Variants in ABCA12 observed in about 807,000 individuals in gnomAD.
The protein encoded by ABCA12 is glucosylceramide transporter ABCA12.
A neutral mutation model predicts 293.5 loss-of-function variants in ABCA12; 156 were observed. That is an observed-to-expected ratio of 0.53 (90% CI 0.47 to 0.61). The LOEUF (loss-of-function observed/expected upper bound fraction) is 0.61. Among genes scored for constraint, ABCA12 ranks in the 20% least tolerant of loss-of-function variants. The pLI is 0.00. For missense variants in ABCA12, 2,797 were observed against 3,090.2 expected (o/e 0.91, Z 2.25); for synonymous variants, 1,063 against 1,108.0 (o/e 0.96, Z 0.81).
At chr2:215,128,986 G>T (rs1419066573) in intron 1 of ABCA12, among the ~76,000 whole-genome samples, 2 of 152,136 alleles carry the variant, frequency 1.3e-5, no homozygotes, top group African/African-American at 4.8e-5. Context: ...GTCCCATGGG[G>T]TGTTCCCTTG....
At chr2:214,951,246 T>C (rs944435873) in intron 44 of ABCA12, among the ~76,000 whole-genome samples, 163 bp from the exon 45 acceptor site, 1 of 152,254 alleles carries the variant, frequency 6.6e-6, no homozygotes, top group Non-Finnish European at 1.5e-5. Flanking sequence ...TAAATCAGTA[T>C]AGACCCTCCT....
At chr2:214,948,530 G>A (rs1208167470) in intron 47 of ABCA12, 66 bp downstream of exon 47, 1 of 1,541,224 alleles carries the variant, frequency 6.5e-7, no homozygotes, top group Non-Finnish European at 8.9e-7. Context: ...GGGTGTGGTG[G>A]GGTGGGGGAT....
At chr2:215,124,961 C>T (rs1702891192) in intron 1 of ABCA12, among the ~76,000 whole-genome samples, 1 of 152,088 alleles carries the variant, frequency 6.6e-6, no homozygotes, top group African/African-American at 2.4e-5. Context: ...GTCCTTAATC[C>T]ACCTTGAGTT....
chr2:215,060,042 C>G (rs1325810503), intron 3 of ABCA12, among the ~76,000 whole-genome samples: 2 of 152,040 alleles, frequency 1.3e-5, no homozygotes, highest in Non-Finnish European at 2.9e-5. Context: ...ACACTTATCT[C>G]CACTTCACTA....
intron 42 of ABCA12, 72 bp from the exon 43 acceptor site, chr2:214,955,433 AC>A: frequency 2.7e-6 from 4 of 1,495,960 alleles, no homozygotes; most frequent in African/African-American, 1.4e-5. Flanking sequence ...TGTAATCCTA[AC>A]ACTTTAGGAG....
At position 214,990,884 on chromosome 2, in the gene ABCA12, AC is replaced by A; in HGVS notation, c.3441del (p.Leu1147PhefsTer15). ...AAGCTGTAGTCCGAAAAATACAGGA[AC>A]AAAATGAACCCATTTGTTTTAGGAA... ...NILPKTNGFILFLYFSDYSFS... is the reference protein window; with the variant it reads ...NILPKTNGFIXFLYFSDYSFS... On this transcript the variant is annotated frameshift_variant, in exon 24 of 53. Transcript: ENST00000272895. LOFTEE classifies it high-confidence loss of function. 6.2e-7 allele frequency: 1 copy of A among 1,614,140 alleles called. No individual in the cohort carries two copies. Among genetic ancestry groups the A allele is most frequent in the South Asian group, 1.1e-5 (1 of 91,080 alleles).
chr2:215,121,050 T>A (rs932067523), intron 1 of ABCA12, among the ~76,000 whole-genome samples: 1 of 152,232 alleles, frequency 6.6e-6, no homozygotes, highest in Admixed American at 6.5e-5. Flanking sequence ...TTAGATTGTG[T>A]AACATGCTCT....
At chr2:215,032,571 A>G (rs1408083638) in intron 8 of ABCA12, 2 of 152,792 alleles carry the variant, frequency 1.3e-5, no homozygotes, top group Non-Finnish European at 2.9e-5. Context: ...TCCCTAATTC[A>G]GCCTGCTGCA....
At chr2:215,051,957 C>A (rs1034869235) in intron 5 of ABCA12, among the ~76,000 whole-genome samples, 1 of 152,044 alleles carries the variant, frequency 6.6e-6, no homozygotes, top group African/African-American at 2.4e-5. Flanking sequence ...CCAGTTTACA[C>A]CTCTGATAGA....
intron 1 of ABCA12, among the ~76,000 whole-genome samples, chr2:215,129,815 C>G (rs1703013724): frequency 6.6e-6 from 1 of 152,104 alleles, no homozygotes; most frequent in Admixed American, 6.6e-5. Flanking sequence ...AGGCTAATGT[C>G]CAGAAAAGTT....
intron 1 of ABCA12, among the ~76,000 whole-genome samples, chr2:215,131,480 G>A (rs1703054409): frequency 6.6e-6 from 1 of 151,652 alleles, no homozygotes; most frequent in Non-Finnish European, 1.5e-5. Context: ...TATGTTTCCA[G>A]GAATTTATTC....
intron 2 of ABCA12, among the ~76,000 whole-genome samples, chr2:215,089,941 T>A (rs1466103630): frequency 1.3e-5 from 2 of 152,176 alleles, no homozygotes; most frequent in Non-Finnish European, 2.9e-5. Flanking sequence ...ATGATATGTG[T>A]CAGGCCTCTG....
Position 214,966,843 on chromosome 2 carries a change from T to C in ABCA12, c.5884+5A>G. On this transcript the variant is annotated splice_donor_5th_base_variant and intron_variant, in intron 39 of 52. Transcript: ENST00000272895. ...TACAGGACACTTTTGTGTTAGTAAC[T>C]TTACCATGTCGGGCAGCATCGTATT... 6.2e-7 allele frequency: 1 copy of C among 1,613,412 alleles called. No homozygotes were observed. Among genetic ancestry groups the C allele is most frequent in the Non-Finnish European group, 8.5e-7 (1 of 1,179,456 alleles).
rs748221184 is a variant in ABCA12 at position 215,123,320 on chromosome 2, C to T, written c.70-11630G>A. On this transcript the variant is annotated intron_variant, in intron 1 of 52. Transcript: ENST00000272895. Reference sequence around the variant, plus strand: ...CCAAGTAGCTGGGATTATAGGTGTCCGCCACCACACCTGGCTAACTTTGTA... The same window carrying T: ...CCAAGTAGCTGGGATTATAGGTGTCTGCCACCACACCTGGCTAACTTTGTA... 8.6e-5 allele frequency among the ~76,000 whole-genome samples: 13 copies of T among 151,926 alleles called. No individual in the cohort carries two copies. The East Asian group carries it at 1.2e-3, about 14-fold the overall frequency.
rs193061756 is a variant in ABCA12, at chr2:215,065,006, G to T, written c.164-787C>A. On this transcript the variant is annotated intron_variant, in intron 2 of 52. Coordinates refer to ENST00000272895, the MANE Select transcript of ABCA12 (RefSeq NM_173076.3). ...CCCGTTTAAAAACCAATAGTGAATG[G>T]TATGAATGAAAATGCAAATTTTCTC... is the stretch of plus-strand genomic sequence containing the variant. Among the ~76,000 whole-genome samples the T allele has an allele frequency of 2.7e-4, 41 of 151,836 alleles. No individual in the cohort carries two copies. The East Asian group carries it at 7.6e-3, about 28-fold the overall frequency.
Position 214,931,559 on chromosome 2 carries a change from T to C in ABCA12, c.*1075A>G, listed in dbSNP as rs1698056890. 1 of 145,120 alleles carries C rather than the reference T, an allele frequency of 6.9e-6. No homozygotes were observed. The highest frequency in any genetic ancestry group is 7.1e-5 in the Admixed American group (1 of 14,034). 9.0% of individuals were successfully genotyped at this position (145,120 alleles called of 1,614,324 possible). On this transcript the variant is annotated 3_prime_UTR_variant, in exon 53 of 53. Transcript: ENST00000272895. The stretch of plus-strand genomic sequence containing the variant: ...AGCATGAATGAGTTTTTCTAAACTT[T>C]GAGTTTATTGGTTTTCGAGACAAAC...
chr2:214,965,803 C>A (rs1408072433), intron 39 of ABCA12, among the ~76,000 whole-genome samples: 1 of 152,190 alleles, frequency 6.6e-6, no homozygotes, highest in Non-Finnish European at 1.5e-5. Context: ...TAAATTAGTT[C>A]AACCATTGTG....
chr2:215,052,791 G>A (rs1211494397), intron 4 of ABCA12, among the ~76,000 whole-genome samples: 1 of 152,030 alleles, frequency 6.6e-6, no homozygotes, highest in Non-Finnish European at 1.5e-5. Flanking sequence ...GATGACTTTG[G>A]TCTGTTCTTG....
intron 2 of ABCA12, 111 bp from the exon 3 acceptor site, chr2:215,064,330 G>T (rs1222443246): frequency 3.2e-5 from 37 of 1,164,970 alleles, no homozygotes; most frequent in Non-Finnish European, 4.5e-5. Flanking sequence ...CCACTCTCCG[G>T]GTCCCCCAAC....
Sources: allele counts gnomAD v4.1 joint callset (sites outside exome capture counted in the v4.1 genomes callset), GRCh38; gene constraint gnomAD v4.1.1; transcripts MANE v1.5; gene names NCBI Gene and HGNC (gene_info 2026-07-23, HGNC 2026-07-21).